The following MEGF10 variants were observed in gnomAD, a reference collection of about 807,000 sequenced individuals.
MEGF10 encodes the protein multiple EGF like domains 10, also known as multiple epidermal growth factor-like domains protein 10.
MEGF10 carries 86 observed loss-of-function variants against 147.5 expected under a neutral mutation model. The ratio of observed to expected loss-of-function variants is 0.58; its 90% CI spans 0.49 to 0.70. The LOEUF (loss-of-function observed/expected upper bound fraction) is 0.70. Ranked by LOEUF, MEGF10 falls within the 30% of genes least tolerant of loss-of-function variation. MEGF10 has a pLI of 0.00. For synonymous variants in MEGF10, 478 were observed against 525.5 expected, an observed-to-expected ratio of 0.91 and a Z score of 1.24; for missense variants, 1,329 against 1,487.3, an observed-to-expected ratio of 0.89 and a Z score of 1.75.
the MEGF10 span, among the ~76,000 whole-genome samples, chr5:127,274,106 C>T: frequency 4.0e-5 from 6 of 151,890 alleles, no homozygotes; most frequent in South Asian, 2.1e-4. Context: ...TAAATAACAC[C>T]ATGAAAAAAC....
chr5:127,425,543 T>C (rs1485319689), intron 13 of MEGF10, among the ~76,000 whole-genome samples: 1 of 151,988 alleles, frequency 6.6e-6, no homozygotes, highest in Non-Finnish European at 1.5e-5. Context: ...ACACTTGGTA[T>C]ACAAAAACAC....
chr5:127,324,047 C>G (rs1348735790), intron 1 of MEGF10, among the ~76,000 whole-genome samples: 1 of 151,976 alleles, frequency 6.6e-6, no homozygotes, highest in Non-Finnish European at 1.5e-5. Flanking sequence ...TATAGAAGCC[C>G]ACTTATTCAT....
intron 19 of MEGF10, chr5:127,445,248 G>A: frequency 1.8e-6 from 1 of 569,310 alleles, no homozygotes; most frequent in Non-Finnish European, 3.1e-6. Context: ...TCTTTTTGAG[G>A]CTTACAGCAG....
At chr5:127,328,224 G>A (rs1436284678) in intron 1 of MEGF10, among the ~76,000 whole-genome samples, 3 of 152,118 alleles carry the variant, frequency 2.0e-5, no homozygotes, top group African/African-American at 7.2e-5. Flanking sequence ...ACCAGCTTAT[G>A]TGAATTTGCA....
chr5:127,290,692 C>T (rs1759207316), upstream of MEGF10: 1 of 152,648 alleles, frequency 6.6e-6, no homozygotes, highest in Non-Finnish European at 1.5e-5. Context: ...CGACAACCCC[C>T]CAGCGGCCAC....
chr5:127,350,119 T>C (rs539995531), intron 4 of MEGF10, among the ~76,000 whole-genome samples: 37 of 152,254 alleles, frequency 2.4e-4, no homozygotes, highest in African/African-American at 8.7e-4. Context: ...ACCTCTAAGG[T>C]CATCTTGTTC....
At chr5:127,249,315 C>A in the MEGF10 span, among the ~76,000 whole-genome samples, 1 of 151,498 alleles carries the variant, frequency 6.6e-6, no homozygotes, top group East Asian at 1.9e-4. Flanking sequence ...ACTATAATCC[C>A]TGGCGCAATC....
intron 9 of MEGF10, among the ~76,000 whole-genome samples, chr5:127,411,497 G>A (rs1194397921): frequency 6.6e-6 from 1 of 152,178 alleles, no homozygotes; most frequent in Non-Finnish European, 1.5e-5. Flanking sequence ...AAAAGCGTGT[G>A]GTTGGTCTCT....
At chr5:127,276,444 G>A in the MEGF10 span, among the ~76,000 whole-genome samples, 2 of 152,226 alleles carry the variant, frequency 1.3e-5, no homozygotes, top group African/African-American at 2.4e-5. Context: ...TAGCAGGAGT[G>A]AGATAATTAT....
At chr5:127,296,537 T>C (rs1486979420) in intron 1 of MEGF10, among the ~76,000 whole-genome samples, 1 of 152,150 alleles carries the variant, frequency 6.6e-6, no homozygotes, top group Non-Finnish European at 1.5e-5. Flanking sequence ...CATCTTATCT[T>C]TGGGAACATC....
In MEGF10 at chr5:127,297,805, G is replaced by GA. The variant is rs1324928080; in HGVS notation, c.-19+6750dup. Among the ~76,000 whole-genome samples the GA allele has an allele frequency of 3.3e-5, 5 of 152,092 alleles. No homozygotes were observed. The East Asian group carries it at 9.6e-4, about 29-fold the overall frequency. ...TATAGAAACTAGATGGGATTAGGGGGACCTATTGAGATTCAAGTAAAAATT... is the reference window on the plus strand; with the variant it reads ...TATAGAAACTAGATGGGATTAGGGGGAACCTATTGAGATTCAAGTAAAAATT... On this transcript the variant is annotated intron_variant, in intron 1 of 24. Transcript: ENST00000503335.
intron 8 of MEGF10, among the ~76,000 whole-genome samples, chr5:127,406,197 T>A (rs1764314029): frequency 6.6e-6 from 1 of 152,106 alleles, no homozygotes; most frequent in South Asian, 2.1e-4. Context: ...ACAAGGCAAA[T>A]GAGCTTATAC....
At chr5:127,388,636 C>T (rs1763529124) in intron 5 of MEGF10, among the ~76,000 whole-genome samples, 1 of 151,978 alleles carries the variant, frequency 6.6e-6, no homozygotes, top group Non-Finnish European at 1.5e-5. Context: ...AACTCCGCCT[C>T]CTGGGTTCAC....
the MEGF10 span, among the ~76,000 whole-genome samples, chr5:127,276,506 C>A: frequency 6.6e-6 from 1 of 152,136 alleles, no homozygotes; most frequent in Non-Finnish European, 1.5e-5. Flanking sequence ...TTGGGCAACT[C>A]TGTGGTTTGG....
intron 1 of MEGF10, among the ~76,000 whole-genome samples, chr5:127,291,641 C>T (rs1487751701): frequency 6.6e-6 from 1 of 152,048 alleles, no homozygotes; most frequent in Non-Finnish European, 1.5e-5. Context: ...ATGCTTGGCT[C>T]CTTAAGGAGT....
At chr5:127,410,972 A>G in intron 9 of MEGF10, among the ~76,000 whole-genome samples, 1 of 152,228 alleles carries the variant, frequency 6.6e-6, no homozygotes, top group South Asian at 2.1e-4. Context: ...TTAGTATGCA[A>G]AAATATCAAA....
intron 5 of MEGF10, among the ~76,000 whole-genome samples, chr5:127,395,392 C>A (rs1487642845): frequency 1.3e-5 from 2 of 151,946 alleles, no homozygotes; most frequent in Admixed American, 6.6e-5. Flanking sequence ...ATTATCTTTT[C>A]ATTTAATTTG....
At chr5:127,349,739 C>T (rs1371894067) in intron 4 of MEGF10, among the ~76,000 whole-genome samples, 1 of 150,402 alleles carries the variant, frequency 6.6e-6, no homozygotes, top group African/African-American at 2.4e-5. Context: ...TTTTAAATAT[C>T]AGAGAACATG....
intron 5 of MEGF10, among the ~76,000 whole-genome samples, chr5:127,387,068 A>G (rs1305478696): frequency 1.3e-5 from 2 of 152,216 alleles, no homozygotes; most frequent in African/African-American, 4.8e-5. Context: ...GTGATTGAGG[A>G]ATTTTGTAAC....
Sources: gnomAD v4.1 joint callset for allele counts (sites outside exome capture counted in the v4.1 genomes callset) on GRCh38, gnomAD v4.1.1 for gene constraint, MANE v1.5 for transcripts, NCBI Gene and HGNC (gene_info 2026-07-23, HGNC 2026-07-21) for gene names.